Variants in GIPC3 observed in about 807,000 individuals in gnomAD.
The protein encoded by GIPC3 is PDZ domain-containing protein GIPC3.
A neutral mutation model predicts 27.3 loss-of-function variants in GIPC3; 16 were observed. The ratio of observed to expected loss-of-function variants is 0.59; its 90% CI spans 0.40 to 0.89. The LOEUF is 0.89. Among genes scored for constraint, GIPC3 ranks in the 40% least tolerant of loss-of-function variants. The pLI is 0.00. For missense variants in GIPC3, 440 were observed against 442.1 expected (o/e 1.00, Z 0.04); for synonymous variants, 194 against 184.6 (o/e 1.05, Z -0.41).
chr19:3,587,843 A>T (rs1008613436), intron 3 of GIPC3, among the ~76,000 whole-genome samples: 17 of 151,400 alleles, frequency 1.1e-4, no homozygotes, highest in African/African-American at 3.6e-4. Flanking sequence ...GGCGCCCGCC[A>T]CCACACCCGG....
Position 3,591,417 on chromosome 19 carries a change from C to T in GIPC3, c.*1227C>T. ...AATCCAGGCTAGCTCGGAGACCAAG[C>T]CCTGCTGGAAAACTCAAGCTGACTC... On this transcript the variant is annotated 3_prime_UTR_variant, in exon 6 of 6. Transcript: ENST00000644452. The T allele has an allele frequency of 8.1e-7, 1 of 1,232,336 alleles. No homozygotes were observed. The highest frequency in any genetic ancestry group is 1.0e-6 in the Non-Finnish European group (1 of 988,176). 76.3% of individuals were successfully genotyped at this position (1,232,336 alleles called of 1,614,324 possible). A position where few individuals can be genotyped will look rare whatever the true frequency, so the allele number is the denominator to read the frequency against.
At chr19:3,587,695 C>CTTTTTTCTTTTTTTTTTT (rs548820972) in intron 3 of GIPC3, among the ~76,000 whole-genome samples, 6 of 131,210 alleles carry the variant, frequency 4.6e-5, no homozygotes, top group South Asian at 2.4e-4. Flanking sequence ...CTTTTCTTTT[C>CTTTTTTCTTTTTTTTTTT]TTTTTTTTTT....
rs968556941 is a variant in GIPC3 at position 3,591,464 on chromosome 19, G to A, written c.*1274G>A. ...ACTCTGGAACTCTGGACAGCTCCACGATGCAGCCACACCTGGACACTCGGT... is the reference window on the plus strand; with the variant it reads ...ACTCTGGAACTCTGGACAGCTCCACAATGCAGCCACACCTGGACACTCGGT... On this transcript the variant is annotated 3_prime_UTR_variant, in exon 6 of 6. Coordinates refer to ENST00000644452, the MANE Select transcript of GIPC3 (RefSeq NM_133261.3). 8.9e-6 allele frequency: 11 copies of A among 1,232,156 alleles called. No homozygotes were observed. Among genetic ancestry groups the A allele is most frequent in the South Asian group, 4.1e-5 (1 of 24,340 alleles). 76.3% of individuals were successfully genotyped at this position (1,232,156 alleles called of 1,614,324 possible). A position where few individuals can be genotyped will look rare whatever the true frequency, so the allele number is the denominator to read the frequency against.
Position 3,589,883 on chromosome 19 carries a change from GCTA to G in GIPC3, c.760_762del (p.Tyr254del). The G allele has an allele frequency of 6.2e-7, 1 of 1,613,940 alleles. No individual in the cohort carries two copies. The highest frequency in any genetic ancestry group is 8.5e-7 in the Non-Finnish European group (1 of 1,180,020). On this transcript the variant is annotated inframe_deletion, in exon 5 of 6. Coordinates refer to ENST00000644452, the MANE Select transcript of GIPC3 (RefSeq NM_133261.3). Reference sequence around the variant, plus strand: ...CGGAAGGTTGATGACCTGCTGGAAAGCTACATGGGCATTCGGGACCCCGAGCTG... The same window carrying G: ...CGGAAGGTTGATGACCTGCTGGAAAGCATGGGCATTCGGGACCCCGAGCTG...
At position 3,592,119 on chromosome 19, in the gene GIPC3, G is replaced by A. The variant is rs1024192748; in HGVS notation, c.*1929G>A. 1 of 1,231,900 alleles carries A rather than the reference G, an allele frequency of 8.1e-7. No homozygotes were observed. Among genetic ancestry groups the A allele is most frequent in the Middle Eastern group, 3.1e-4 (1 of 3,214 alleles). 76.3% of individuals were successfully genotyped at this position (1,231,900 alleles called of 1,614,324 possible). A position where few individuals can be genotyped will look rare whatever the true frequency, so the allele number is the denominator to read the frequency against. ...AGTCCAATCTAGTCCTGGGACCCAG[G>A]CCATCGCAGCAATAGAATTAAGCTC... On this transcript the variant is annotated 3_prime_UTR_variant, in exon 6 of 6. Coordinates refer to ENST00000644452, the MANE Select transcript of GIPC3 (RefSeq NM_133261.3).
intron 3 of GIPC3, among the ~76,000 whole-genome samples, chr19:3,588,653 A>AAAAAC (rs1351164347): frequency 1.1e-4 from 16 of 151,194 alleles, no homozygotes; most frequent in Middle Eastern, 3.2e-3. Context: ...AAAAAAAAAA[A>AAAAAC]AAAAAACCTG....
chr19:3,593,387 C>A lies in GIPC3; in HGVS notation c.*3197C>A. On this transcript the variant is annotated 3_prime_UTR_variant, in exon 6 of 6. Transcript: ENST00000644452. ...GCAGCAAGTGACCTTATTTCTCCAG[C>A]AGGCGGTGGTAGGGAGTGTGCGGTG... The A allele has an allele frequency of 9.1e-7, 1 of 1,094,288 alleles. No individual in the cohort carries two copies. The highest frequency in any genetic ancestry group is 1.2e-6 in the Non-Finnish European group (1 of 862,822). 67.8% of individuals were successfully genotyped at this position (1,094,288 alleles called of 1,614,324 possible).
Position 3,591,082 on chromosome 19 carries a change from C to T in GIPC3, c.*892C>T, listed in dbSNP as rs2145276818. On this transcript the variant is annotated 3_prime_UTR_variant, in exon 6 of 6. Transcript: ENST00000644452. ...CCGTGTTCTAGAATTCAGGCCACAT[C>T]TGAAGCCAAGCCCAGCTCTAGAACT... The T allele has an allele frequency of 8.1e-7, 1 of 1,233,182 alleles. No individual in the cohort carries two copies. Among genetic ancestry groups the T allele is most frequent in the Non-Finnish European group, 1.0e-6 (1 of 988,730 alleles). 76.4% of individuals were successfully genotyped at this position (1,233,182 alleles called of 1,614,324 possible).
rs1384184278 is a variant in GIPC3 at position 3,593,287 on chromosome 19, A to C, written c.*3097A>C. On this transcript the variant is annotated 3_prime_UTR_variant, in exon 6 of 6. Coordinates refer to ENST00000644452, the MANE Select transcript of GIPC3 (RefSeq NM_133261.3). ...GCCCGCCCTTACCGCGGGGGGCCGT[A>C]GCTTGGCTGTGACTTAGCCCTGGTT... 2.4e-6 allele frequency: 3 copies of C among 1,232,242 alleles called. No homozygotes were observed. In the African/African-American group the frequency reaches 4.7e-5, roughly 19 times the overall value. The allele number at this position is 1,232,242 out of a possible 1,614,324, so 76.3% of individuals were successfully genotyped here.
chr19:3,590,026 G>A lies in GIPC3; in HGVS notation c.788-13G>A. ...AGTGCCCTCACTGACATCCCCTCTG[G>A]CACGGCCCGCAGCGTCCACCATGGT... On this transcript the variant is annotated splice_polypyrimidine_tract_variant and intron_variant, in intron 5 of 5. Transcript: ENST00000644452. 6.2e-7 allele frequency: 1 copy of A among 1,612,668 alleles called. No homozygotes were observed. Among genetic ancestry groups the A allele is most frequent in the South Asian group, 1.1e-5 (1 of 91,018 alleles).
chr19:3,593,260 G>A lies in GIPC3; in HGVS notation c.*3070G>A. The stretch of plus-strand genomic sequence containing the variant: ...CTTTGCCCCACTCTGGGGGAGCCAG[G>A]AGCCCGCCCTTACCGCGGGGGGCCG... On this transcript the variant is annotated 3_prime_UTR_variant, in exon 6 of 6. Transcript: ENST00000644452. The A allele has an allele frequency of 8.1e-7, 1 of 1,232,578 alleles. No homozygotes were observed. The highest frequency in any genetic ancestry group is 1.0e-6 in the Non-Finnish European group (1 of 988,304). The allele number at this position is 1,232,578 out of a possible 1,614,324, so 76.4% of individuals were successfully genotyped here. A position where few individuals can be genotyped will look rare whatever the true frequency, so the allele number is the denominator to read the frequency against.
chr19:3,589,378 C>T, intron 3 of GIPC3, 65 bp from the exon 4 acceptor site: 2 of 1,222,122 alleles, frequency 1.6e-6, no homozygotes, highest in East Asian at 2.3e-5. Context: ...TGTTGGCCTC[C>T]CAGGGTTTAC....
At position 3,589,890 on chromosome 19, in the gene GIPC3, G is replaced by A. The variant is rs1014244209; in HGVS notation, c.765G>A (p.Met255Ile). ...RKVDDLLESY[M>I]GIRDPELAST... ...TTGATGACCTGCTGGAAAGCTACATGGGCATTCGGGACCCCGAGCTGGGTA... is the reference window on the plus strand; with the variant it reads ...TTGATGACCTGCTGGAAAGCTACATAGGCATTCGGGACCCCGAGCTGGGTA... Residue 255 changes from methionine to isoleucine, a missense_variant, in exon 5 of 6, where the codon ATG becomes ATA. Met to Ile is a conservative substitution (Grantham distance 10). Coordinates refer to ENST00000644452, the MANE Select transcript of GIPC3 (RefSeq NM_133261.3). The A allele has an allele frequency of 6.2e-7, 1 of 1,613,776 alleles. No homozygotes were observed. Among genetic ancestry groups the A allele is most frequent in the Non-Finnish European group, 8.5e-7 (1 of 1,180,026 alleles).
chr19:3,590,189 A>G lies in GIPC3; in HGVS notation c.938A>G (p.Ter313TrpextTer98), dbSNP rs2032460708. 6.3e-7 allele frequency: 1 copy of G among 1,593,044 alleles called. No individual in the cohort carries two copies. The highest frequency in any genetic ancestry group is 1.1e-5 in the South Asian group (1 of 88,028). Reference protein sequence around the residue: ...AIGEAREACG* With the variant: ...AIGEAREACGW ...GGCGAGGCCAGAGAGGCCTGTGGCT[A>G]GTTTGCCCTGGGGGGGCCCAGCACA... is the stretch of plus-strand genomic sequence containing the variant. The change falls in exon 6 of 6, where the codon TAG (stop) becomes TGG (tryptophan). Residue 313 changes from the stop codon to tryptophan (W), a stop_lost. Transcript: ENST00000644452.
rs1170492968 is a variant in GIPC3 at position 3,592,125 on chromosome 19, G to A, written c.*1935G>A. On this transcript the variant is annotated 3_prime_UTR_variant, in exon 6 of 6. Coordinates refer to ENST00000644452, the MANE Select transcript of GIPC3 (RefSeq NM_133261.3). Reference sequence around the variant, plus strand: ...ATCTAGTCCTGGGACCCAGGCCATCGCAGCAATAGAATTAAGCTCCACAGC... The same window carrying A: ...ATCTAGTCCTGGGACCCAGGCCATCACAGCAATAGAATTAAGCTCCACAGC... 8.1e-6 allele frequency: 10 copies of A among 1,231,840 alleles called. No individual in the cohort carries two copies. Among genetic ancestry groups the A allele is most frequent in the Admixed American group, 8.5e-5 (2 of 23,666 alleles). 76.3% of individuals were successfully genotyped at this position (1,231,840 alleles called of 1,614,324 possible).
chr19:3,591,836 C>T lies in GIPC3; in HGVS notation c.*1646C>T. ...CATCCATCTTGGAAGCAAGACCCAGCTCCAGCACACAGCTTGGTGCCAAGC... is the reference window on the plus strand; with the variant it reads ...CATCCATCTTGGAAGCAAGACCCAGTTCCAGCACACAGCTTGGTGCCAAGC... On this transcript the variant is annotated 3_prime_UTR_variant, in exon 6 of 6. Transcript: ENST00000644452. 1 of 1,233,614 alleles carries T rather than the reference C, an allele frequency of 8.1e-7. No individual in the cohort carries two copies. The highest frequency in any genetic ancestry group is 1.0e-6 in the Non-Finnish European group (1 of 989,190). The allele number at this position is 1,233,614 out of a possible 1,614,324, so 76.4% of individuals were successfully genotyped here.
chr19:3,593,016 C>T lies in GIPC3; in HGVS notation c.*2826C>T. 2.4e-6 allele frequency: 3 copies of T among 1,231,604 alleles called. No individual in the cohort carries two copies. Among genetic ancestry groups the T allele is most frequent in the African/African-American group, 1.6e-5 (1 of 64,270 alleles). 76.3% of individuals were successfully genotyped at this position (1,231,604 alleles called of 1,614,324 possible). A position where few individuals can be genotyped will look rare whatever the true frequency, so the allele number is the denominator to read the frequency against. On this transcript the variant is annotated 3_prime_UTR_variant, in exon 6 of 6. Transcript: ENST00000644452. ...GCCCCATGATCAGGTATGTGGCATC[C>T]AGGCCAGCCTTGGCCCCATCCCAGG...
Position 3,590,837 on chromosome 19 carries a change from C to A in GIPC3, c.*647C>A, listed in dbSNP as rs1172594106. On this transcript the variant is annotated 3_prime_UTR_variant, in exon 6 of 6. Transcript: ENST00000644452. ...CTAGAACTCAGATGGGCTCTGAGAC[C>A]ATGCCCAGCTCTAGAACTCAGATGG... 4.0e-6 allele frequency: 5 copies of A among 1,237,240 alleles called. No homozygotes were observed. The African/African-American group carries it at 4.7e-5, about 12-fold the overall frequency. The allele number at this position is 1,237,240 out of a possible 1,614,324, so 76.6% of individuals were successfully genotyped here. A position where few individuals can be genotyped will look rare whatever the true frequency, so the allele number is the denominator to read the frequency against.
chr19:3,588,639 TC>T (rs2032421060), intron 3 of GIPC3, among the ~76,000 whole-genome samples: 3 of 75,966 alleles, frequency 3.9e-5, no homozygotes, highest in South Asian at 3.7e-4. Flanking sequence ...ATCCATCGTA[TC>T]AAAAAAAAAA....
Sources: allele counts gnomAD v4.1 joint callset (sites outside exome capture counted in the v4.1 genomes callset), GRCh38; gene constraint gnomAD v4.1.1; transcripts MANE v1.5; gene names NCBI Gene and HGNC (gene_info 2026-07-23, HGNC 2026-07-21).